Variants in MTUS2 observed in about 807,000 individuals in gnomAD.
MTUS2 encodes the protein microtubule associated scaffold protein 2.
Under a neutral mutation model 114.1 loss-of-function variants are expected in MTUS2, and 40 were observed. That is an observed-to-expected ratio of 0.35 (90% CI 0.27 to 0.46). The LOEUF (loss-of-function observed/expected upper bound fraction) is 0.46. Among genes scored for constraint, MTUS2 ranks in the 20% least tolerant of loss-of-function variants. MTUS2 has a pLI of 1.00. For missense variants in MTUS2, 1,679 were observed against 1,705.4 expected (o/e 0.98, Z 0.27); for synonymous variants, 688 against 672.0 (o/e 1.02, Z -0.37).
At chr13:28,943,989 T>A (rs327125) in intron 2 of MTUS2, among the ~76,000 whole-genome samples, 109,923 of 152,044 alleles carry the variant, frequency 0.72, 44,169 homozygotes, top group Non-Finnish European at 0.9. Flanking sequence ...TAGTTTTTTG[T>A]TTGCTTTTTT....
chr13:29,235,959 A>G (rs554849722), intron 5 of MTUS2, among the ~76,000 whole-genome samples: 43 of 152,124 alleles, frequency 2.8e-4, no homozygotes, highest in Non-Finnish European at 5.6e-4. Flanking sequence ...ATTTCACTCA[A>G]GTTTTCTAAT....
At chr13:29,148,138 C>T (rs9579297) in intron 5 of MTUS2, among the ~76,000 whole-genome samples, 60,621 of 151,342 alleles carry the variant, frequency 0.4, 13,907 homozygotes, top group Non-Finnish European at 0.48. Context: ...CCATTCTGAA[C>T]GTTGTGAGAT....
intron 8 of MTUS2, among the ~76,000 whole-genome samples, chr13:29,389,355 A>ACACATATGTGTGTATG (rs1566172568): frequency 1.2e-5 from 1 of 82,662 alleles, no homozygotes; most frequent in African/African-American, 6.3e-5. Context: ...GTGTGTGTAT[A>ACACATATGTGTGTATG]TATGTATGCA....
At chr13:29,295,930 C>T (rs61948206) in intron 6 of MTUS2, among the ~76,000 whole-genome samples, 4,861 of 152,266 alleles carry the variant, frequency 0.032, 93 homozygotes, top group East Asian at 0.06. Flanking sequence ...TACCTCCCAC[C>T]GGGTCCCTCC....
intron 8 of MTUS2, among the ~76,000 whole-genome samples, chr13:29,373,615 TG>T (rs1187013003): frequency 2.0e-5 from 3 of 152,160 alleles, no homozygotes; most frequent in Non-Finnish European, 2.9e-5. Flanking sequence ...GACTGGCCAT[TG>T]TGGGAGGCAC....
At chr13:29,382,416 G>A (rs1041653283) in intron 8 of MTUS2, among the ~76,000 whole-genome samples, 14 of 152,180 alleles carry the variant, frequency 9.2e-5, no homozygotes, top group African/African-American at 2.9e-4. Flanking sequence ...AAGTCGATGG[G>A]TGGTGGAAGA....
intron 4 of MTUS2, among the ~76,000 whole-genome samples, chr13:29,080,166 T>G (rs976703771): frequency 6.6e-6 from 1 of 152,234 alleles, no homozygotes; most frequent in Non-Finnish European, 1.5e-5. Context: ...TGGATTCGTA[T>G]CTCAATTTTG....
chr13:29,455,380 G>A (rs879470555), intron 9 of MTUS2, among the ~76,000 whole-genome samples: 2 of 152,188 alleles, frequency 1.3e-5, no homozygotes, highest in Non-Finnish European at 2.9e-5. Flanking sequence ...CCCAGTCAGG[G>A]TGGGAAGAGT....
At chr13:29,007,149 G>T (rs1293387691) in intron 2 of MTUS2, among the ~76,000 whole-genome samples, 3 of 152,126 alleles carry the variant, frequency 2.0e-5, no homozygotes, top group Admixed American at 6.5e-5. Flanking sequence ...TAATGGGTTT[G>T]TAGCTTTAAT....
chr13:29,186,980 T>C (rs1176044535), intron 5 of MTUS2, among the ~76,000 whole-genome samples: 1 of 152,074 alleles, frequency 6.6e-6, no homozygotes, highest in Non-Finnish European at 1.5e-5. Context: ...TTTACAAATA[T>C]ATAGAAATTT....
chr13:28,992,670 G>A (rs936917495), intron 2 of MTUS2, among the ~76,000 whole-genome samples: 8 of 152,108 alleles, frequency 5.3e-5, no homozygotes, highest in African/African-American at 7.2e-5. Flanking sequence ...GCCATCCCTC[G>A]CATGCTCCCC....
chr13:29,275,518 C>A (rs1054702228), intron 5 of MTUS2, among the ~76,000 whole-genome samples: 2 of 152,110 alleles, frequency 1.3e-5, no homozygotes, highest in African/African-American at 4.8e-5. Flanking sequence ...TGCTCCCACC[C>A]ACCACTACCC....
At chr13:29,350,038 A>G (rs1423332138) in intron 7 of MTUS2, among the ~76,000 whole-genome samples, 1 of 151,998 alleles carries the variant, frequency 6.6e-6, no homozygotes, top group African/African-American at 2.4e-5. Context: ...GTTCAAAGTG[A>G]TATTCTGTTC....
chr13:29,281,645 G>A (rs1056096418), intron 5 of MTUS2, 59 bp from the exon 6 acceptor site: 25 of 1,521,726 alleles, frequency 1.6e-5, no homozygotes, highest in Non-Finnish European at 2.2e-5. Flanking sequence ...AGTGCAAATG[G>A]TGAGGGCTCC....
At chr13:29,337,702 A>G (rs1327232491) in intron 7 of MTUS2, among the ~76,000 whole-genome samples, 2 of 151,532 alleles carry the variant, frequency 1.3e-5, no homozygotes, top group African/African-American at 2.4e-5. Flanking sequence ...CCCGGGTTCA[A>G]GTGATTCTCC....
At chr13:29,316,771 A>G (rs1900007561) in intron 6 of MTUS2, among the ~76,000 whole-genome samples, 1 of 152,230 alleles carries the variant, frequency 6.6e-6, no homozygotes, top group Non-Finnish European at 1.5e-5. Context: ...AACCAGTAAT[A>G]CCAATAATAC....
rs146216444 is a variant in MTUS2 at position 29,459,145 on chromosome 13, T to C, written c.3184+19096T>C. On this transcript the variant is annotated intron_variant, in intron 9 of 15. Coordinates refer to ENST00000612955, the MANE Select transcript of MTUS2 (RefSeq NM_001033602.4). ...TGCCTGCACGAAGCTTCCAAGGAGA[T>C]TGGAAAATGGAGCCTCTAGTGGGGA... is the stretch of plus-strand genomic sequence containing the variant. Among the ~76,000 whole-genome samples the C allele has an allele frequency of 2.1e-3, 324 of 152,300 alleles. 1 individual carries two copies. Among genetic ancestry groups the C allele is most frequent in the African/African-American group, 7.6e-3 (314 of 41,568 alleles).
At chr13:29,490,824 G>T (rs1421797885) in intron 11 of MTUS2, among the ~76,000 whole-genome samples, 1 of 152,284 alleles carries the variant, frequency 6.6e-6, no homozygotes, top group African/African-American at 2.4e-5. Context: ...TGGCTGCTTC[G>T]CAGTGGGAAG....
chr13:29,443,047 A>T (rs1878009279), intron 9 of MTUS2, among the ~76,000 whole-genome samples: 1 of 152,162 alleles, frequency 6.6e-6, no homozygotes, highest in Non-Finnish European at 1.5e-5. Context: ...ATGAGTTTCT[A>T]GGGGGTTCCA....
Sources: allele counts gnomAD v4.1 joint callset (sites outside exome capture counted in the v4.1 genomes callset), GRCh38; gene constraint gnomAD v4.1.1; transcripts MANE v1.5; gene names NCBI Gene and HGNC (gene_info 2026-07-23, HGNC 2026-07-21).